ALOX5AP: variants seen among roughly 807,000 people sequenced by gnomAD.
ALOX5AP encodes the protein arachidonate 5-lipoxygenase-activating protein.
ALOX5AP carries 9 observed loss-of-function variants against 18.5 expected under a neutral mutation model. The ratio of observed to expected loss-of-function variants is 0.49; its 90% CI spans 0.29 to 0.85. The LOEUF (loss-of-function observed/expected upper bound fraction) is 0.85, where lower values mean the gene tolerates loss of function less well. Ranked by LOEUF, ALOX5AP falls within the 40% of genes least tolerant of loss-of-function variation. ALOX5AP has a pLI of 0.08. For missense variants in ALOX5AP, 172 were observed against 202.5 expected (o/e 0.85, Z 0.91); for synonymous variants, 81 against 78.6 (o/e 1.03, Z -0.16).
chr13:30,720,377 G>A (rs545390798), intron 1 of ALOX5AP, among the ~76,000 whole-genome samples: 1 of 152,310 alleles, frequency 6.6e-6, no homozygotes, highest in African/African-American at 2.4e-5. Flanking sequence ...TTCTAATGCA[G>A]TAAACATATA....
chr13:30,721,734 A>G (rs897775485), intron 1 of ALOX5AP, among the ~76,000 whole-genome samples: 12 of 151,956 alleles, frequency 7.9e-5, no homozygotes, highest in Admixed American at 6.6e-4. Flanking sequence ...CCCCAGGATC[A>G]TTTTGAAACT....
chr13:30,745,512 A>G (rs1031437924), intron 2 of ALOX5AP, among the ~76,000 whole-genome samples: 1 of 152,108 alleles, frequency 6.6e-6, no homozygotes. Flanking sequence ...CCTTCTCCCA[A>G]GCACTTCTGT....
intron 1 of ALOX5AP, among the ~76,000 whole-genome samples, chr13:30,719,653 T>C (rs147709062): frequency 1.3e-5 from 2 of 152,284 alleles, no homozygotes; most frequent in African/African-American, 4.8e-5. Context: ...ATTTTGATTG[T>C]CCAGGGTCAT....
chr13:30,715,024 G>A (rs1413082487), intron 1 of ALOX5AP, among the ~76,000 whole-genome samples: 1 of 152,150 alleles, frequency 6.6e-6, no homozygotes, highest in Non-Finnish European at 1.5e-5. Context: ...CAACACATAG[G>A]AGGCTTGTCC....
upstream of ALOX5AP, among the ~76,000 whole-genome samples, chr13:30,733,113 C>G (rs987771136): frequency 6.8e-6 from 1 of 146,760 alleles, no homozygotes; most frequent in African/African-American, 2.6e-5. Flanking sequence ...GAGCTGAGAT[C>G]GCGCCACTGC....
chr13:30,718,863 A>G (rs1349528125), intron 1 of ALOX5AP, among the ~76,000 whole-genome samples: 1 of 152,194 alleles, frequency 6.6e-6, no homozygotes, highest in African/African-American at 2.4e-5. Context: ...CCCTCCCCCA[A>G]GTTCACAGAG....
At chr13:30,761,220 C>G (rs1789514458) in intron 4 of ALOX5AP, among the ~76,000 whole-genome samples, 1 of 152,190 alleles carries the variant, frequency 6.6e-6, no homozygotes, top group Admixed American at 6.5e-5. Context: ...CTGTGCACAG[C>G]CTGGGAAGAG....
chr13:30,736,237 C>T (rs950636001), intron 1 of ALOX5AP, among the ~76,000 whole-genome samples: 4 of 151,252 alleles, frequency 2.6e-5, no homozygotes, highest in Admixed American at 6.6e-5. Flanking sequence ...TTCTCTAGCA[C>T]GTATAATTTT....
At chr13:30,737,975 C>G (rs1303255606) in intron 1 of ALOX5AP, among the ~76,000 whole-genome samples, 1 of 152,206 alleles carries the variant, frequency 6.6e-6, no homozygotes, top group Non-Finnish European at 1.5e-5. Context: ...CTCAATGTTG[C>G]AACCATAGAC....
At chr13:30,762,076 T>C (rs1161296952) in intron 4 of ALOX5AP, among the ~76,000 whole-genome samples, 1 of 152,158 alleles carries the variant, frequency 6.6e-6, no homozygotes. Context: ...GGAACAGGGC[T>C]GGTGTCAGCT....
chr13:30,756,083 G>A, intron 4 of ALOX5AP, 58 bp downstream of exon 4: 3 of 1,524,602 alleles, frequency 2.0e-6, no homozygotes, highest in Admixed American at 1.7e-5. Context: ...TGAGCAGGAA[G>A]AGTGACAATT....
At chr13:30,741,349 C>CT (rs1951762634) in intron 1 of ALOX5AP, among the ~76,000 whole-genome samples, 1 of 149,372 alleles carries the variant, frequency 6.7e-6, no homozygotes, top group Non-Finnish European at 1.5e-5. Flanking sequence ...CCTCCATATA[C>CT]TTTAAGTAAC....
At chr13:30,759,985 C>T (rs886838023) in intron 4 of ALOX5AP, among the ~76,000 whole-genome samples, 1 of 152,120 alleles carries the variant, frequency 6.6e-6, no homozygotes, top group Non-Finnish European at 1.5e-5. Context: ...GTTTGGGAAT[C>T]GCTGAAGGCT....
At chr13:30,713,827 A>G in exon 1 of ALOX5AP, 1 of 1,530,412 alleles carries the variant, frequency 6.5e-7, no homozygotes, top group Non-Finnish European at 8.7e-7. Context: ...TTGGGAACAT[A>G]AGCCATCAGT....
At chr13:30,757,598 C>T (rs1048684349) in intron 4 of ALOX5AP, among the ~76,000 whole-genome samples, 7 of 152,120 alleles carry the variant, frequency 4.6e-5, no homozygotes, top group Non-Finnish European at 8.8e-5. Flanking sequence ...TCTCTTTTGC[C>T]TGGCTCCCTA....
intron 2 of ALOX5AP, among the ~76,000 whole-genome samples, chr13:30,747,752 G>A (rs1951820626): frequency 6.6e-6 from 1 of 152,202 alleles, no homozygotes; most frequent in South Asian, 2.1e-4. Context: ...AGGGTATTCT[G>A]ATTCTTGGTT....
chr13:30,764,188 CTCT>C lies in ALOX5AP; in HGVS notation c.*87_*89del, dbSNP rs1449527281. On this transcript the variant is annotated 3_prime_UTR_variant, in exon 5 of 5. Coordinates refer to ENST00000380490, the MANE Select transcript of ALOX5AP (RefSeq NM_001629.4). ...TAATTCAGCTCTTGAGAGCATTCTG[CTCT>C]TCTTTAGATGGCTGTAAATCTATTG... is the stretch of plus-strand genomic sequence containing the variant. The C allele has an allele frequency of 6.9e-7, 1 of 1,447,732 alleles. No individual in the cohort carries two copies. Among genetic ancestry groups the C allele is most frequent in the Non-Finnish European group, 9.3e-7 (1 of 1,070,502 alleles). The allele number at this position is 1,447,732 out of a possible 1,614,324, so 89.7% of individuals were successfully genotyped here. A position where few individuals can be genotyped will look rare whatever the true frequency, so the allele number is the denominator to read the frequency against.
At chr13:30,741,186 G>A (rs1207972227) in intron 1 of ALOX5AP, among the ~76,000 whole-genome samples, 2 of 121,608 alleles carry the variant, frequency 1.6e-5, no homozygotes, top group East Asian at 2.4e-4. Flanking sequence ...ACAGTGGCTC[G>A]ATCTTGGCTC....
At chr13:30,714,206 C>A (rs1356240491) in intron 1 of ALOX5AP, among the ~76,000 whole-genome samples, 68 of 111,800 alleles carry the variant, frequency 6.1e-4, no homozygotes, top group African/African-American at 1.2e-3. Flanking sequence ...TGCTAACTTT[C>A]AAAAAAAAAA....
Sources: allele counts gnomAD v4.1 joint callset (sites outside exome capture counted in the v4.1 genomes callset), GRCh38; gene constraint gnomAD v4.1.1; transcripts MANE v1.5; gene names NCBI Gene and HGNC (gene_info 2026-07-23, HGNC 2026-07-21).